The following PLCB2 variants were observed in gnomAD, a reference collection of about 807,000 sequenced individuals.
The protein encoded by PLCB2 is 1-phosphatidylinositol 4,5-bisphosphate phosphodiesterase beta-2.
In PLCB2, 115 loss-of-function variants were observed where a neutral mutation model predicts 141.7. That is an observed-to-expected ratio of 0.81 (90% CI 0.70 to 0.95). PLCB2 has a LOEUF of 0.95. Among genes scored for constraint, PLCB2 ranks in the 40% least tolerant of loss-of-function variants. The pLI, the probability that PLCB2 is intolerant of heterozygous loss-of-function variation, is 0.00. For synonymous variants in PLCB2, 603 were observed against 595.6 expected (o/e 1.01, Z -0.18); for missense variants, 1,403 against 1,541.1 (o/e 0.91, Z 1.50).
rs2039951976 is a variant in PLCB2, at chr15:40,291,854, G to A, written c.2597C>T (p.Ser866Leu). The change falls in exon 24 of 32, where the codon TCA becomes TTA. Residue 866 changes from serine (S) to leucine (L), a missense_variant. Around this residue, in one of 4 missense-constraint regions of PLCB2, gnomAD observed 975 missense variants for 1,141.1 expected, o/e 0.85. Coordinates refer to ENST00000260402, the MANE Select transcript of PLCB2 (RefSeq NM_004573.3). ...NGALAPTSNG[S>L]PAARAGAREE... ...GTGCGGACCGAAGCTCATACCTGGT[G>A]ACCCATTGCTCGTTGGGGCCAACGC... 49 of 1,614,030 alleles carry A rather than the reference G, an allele frequency of 3.0e-5. No individual in the cohort carries two copies. The highest frequency in any genetic ancestry group is 4.1e-5 in the Non-Finnish European group (48 of 1,179,998).
downstream of PLCB2, chr15:40,286,008 G>A: frequency 2.0e-6 from 2 of 985,648 alleles, no homozygotes; most frequent in Non-Finnish European, 2.4e-6. Context: ...TGGCAGGAAG[G>A]GGGTGGTGGT....
At chr15:40,292,238 G>C (rs2039978820) in intron 22 of PLCB2, 80 bp from the exon 23 acceptor site, 1 of 1,500,360 alleles carries the variant, frequency 6.7e-7, no homozygotes, top group Non-Finnish European at 9.3e-7. Context: ...ACCCACTCCA[G>C]GATGCCCCAT....
Position 40,297,609 on chromosome 15 carries a change from C to A in PLCB2, c.1239-4G>T, listed in dbSNP as rs762403257. ...CATCTTAGCCTGCTGGCGGGGTCTG[C>A]GGGGAGCAAAAGCGGGGATGGGGTT... On this transcript the variant is annotated splice_polypyrimidine_tract_variant and splice_region_variant and intron_variant, in intron 12 of 31. Coordinates refer to ENST00000260402, the MANE Select transcript of PLCB2 (RefSeq NM_004573.3). This position sits in a 1 kb window ranked among gnomAD's most constrained non-coding sequence, Gnocchi z 4.2. 3 of 1,612,804 alleles carry A rather than the reference C, an allele frequency of 1.9e-6. No homozygotes were observed. The highest frequency in any genetic ancestry group is 2.5e-6 in the Non-Finnish European group (3 of 1,179,024).
At position 40,292,405 on chromosome 15, in the gene PLCB2, G is replaced by A. The variant is rs769801631; in HGVS notation, c.2365C>T (p.Pro789Ser). 1.2e-6 allele frequency: 2 copies of A among 1,613,674 alleles called. No homozygotes were observed. Among genetic ancestry groups the A allele is most frequent in the Non-Finnish European group, 1.7e-6 (2 of 1,179,814 alleles). ...ATGAAGAGCGCAGGCATGGTGAGGG[G>A]CATGTTGCTCTCACTGTGCAGGCAC... ...HLCLHSESNM[P>S]LTMPALFIFL... The change falls in exon 22 of 32, where the codon CCC (proline) becomes TCC (serine). Residue 789 changes from proline (P) to serine (S), a missense_variant. Physicochemically the swap from Pro to Ser is moderately conservative, Grantham distance 74. This residue lies in a region of PLCB2 where 975 missense variants were observed against 1,141.1 expected (regional missense o/e 0.85). Coordinates refer to ENST00000260402, the MANE Select transcript of PLCB2 (RefSeq NM_004573.3).
Position 40,307,764 on chromosome 15 carries a change from G to T in PLCB2, c.-92C>A. 1.9e-6 allele frequency: 2 copies of T among 1,056,074 alleles called. No homozygotes were observed. The highest frequency in any genetic ancestry group is 2.7e-6 in the Non-Finnish European group (2 of 733,420). 65.4% of individuals were successfully genotyped at this position (1,056,074 alleles called of 1,614,324 possible). A position where few individuals can be genotyped will look rare whatever the true frequency, so the allele number is the denominator to read the frequency against. ...CAGCCAGGAGGGGGAGCCAAGCTGG[G>T]CTCAAATGGCACCCATCCCCGAGCT... On this transcript the variant is annotated 5_prime_UTR_variant, in exon 1 of 32. Coordinates refer to ENST00000260402, the MANE Select transcript of PLCB2 (RefSeq NM_004573.3).
Position 40,302,641 on chromosome 15 carries a change from G to A in PLCB2, c.232-32C>T, listed in dbSNP as rs12324892. 9.2e-3 allele frequency: 14,876 copies of A among 1,611,626 alleles called. 988 individuals are homozygous for A. The African/African-American group carries it at 0.16, about 17-fold the overall frequency. ...CACGTGGTGGTATGGTTAGGATGGA[G>A]GTGTGCTCCCTCCCTGCCCAGTGTG... On this transcript the variant is annotated intron_variant, in intron 3 of 31. Coordinates refer to ENST00000260402, the MANE Select transcript of PLCB2 (RefSeq NM_004573.3).
intron 9 of PLCB2, 31 bp downstream of exon 9, chr15:40,298,767 A>G (rs954548778): frequency 6.2e-7 from 1 of 1,611,272 alleles, no homozygotes; most frequent in African/African-American, 1.3e-5. Context: ...GGACAGGACC[A>G]CAGGGGACAA....
At chr15:40,292,277 G>A in intron 22 of PLCB2, 62 bp downstream of exon 22, 1 of 1,515,144 alleles carries the variant, frequency 6.6e-7, no homozygotes, top group Non-Finnish European at 9.1e-7. Context: ...CTGGAAGCTG[G>A]CTTGATGGGA....
intron 18 of PLCB2, 51 bp from the exon 19 acceptor site, chr15:40,294,471 C>G (rs774562046): frequency 6.3e-7 from 1 of 1,597,288 alleles, no homozygotes; most frequent in African/African-American, 1.3e-5. Flanking sequence ...GGGGCTGTGC[C>G]CAGTCTCCAT....
rs1362263420 is a variant in PLCB2 at position 40,290,966 on chromosome 15, G to T, written c.3036+52C>A. On this transcript the variant is annotated intron_variant, in intron 27 of 31. Transcript: ENST00000260402. Reference sequence around the variant, plus strand: ...TGAGAGGGGCGAATGGGGTCCATGGGGGGTGGGGTCGGTGGGGCTGGTGGG... The same window carrying T: ...TGAGAGGGGCGAATGGGGTCCATGGTGGGTGGGGTCGGTGGGGCTGGTGGG... 14 of 1,537,752 alleles carry T rather than the reference G, an allele frequency of 9.1e-6. No homozygotes were observed. The Admixed American group carries it at 2.2e-4, about 25-fold the overall frequency.
intron 7 of PLCB2, chr15:40,301,632 C>T (rs778281990): frequency 5.4e-5 from 38 of 702,880 alleles, no homozygotes; most frequent in Non-Finnish European, 8.6e-5. Flanking sequence ...ACGCTCAGCT[C>T]CCATTCCCAA....
In PLCB2 at chr15:40,289,363, G is replaced by T; in HGVS notation, c.3268-5C>A. The T allele has an allele frequency of 3.7e-6, 6 of 1,611,114 alleles. No homozygotes were observed. The highest frequency in any genetic ancestry group is 5.1e-6 in the Non-Finnish European group (6 of 1,177,340). Reference sequence around the variant, plus strand: ...CCTCTCCAAGTTCTCCGTCATCTGGGTGGGAGTGGATGGCAGAGAATCAGG... The same window carrying T: ...CCTCTCCAAGTTCTCCGTCATCTGGTTGGGAGTGGATGGCAGAGAATCAGG... On this transcript the variant is annotated splice_polypyrimidine_tract_variant and splice_region_variant and intron_variant, in intron 30 of 31. Coordinates refer to ENST00000260402, the MANE Select transcript of PLCB2 (RefSeq NM_004573.3).
chr15:40,289,929 G>GA (rs2039772374), intron 30 of PLCB2, 96 bp downstream of exon 30: 1 of 7,758 alleles, frequency 1.3e-4, no homozygotes, highest in African/African-American at 3.3e-4. Context: ...TACTTGTGAA[G>GA]AGAGAGAGAG....
Position 40,291,907 on chromosome 15 carries a change from C to A in PLCB2, c.2544G>T (p.Ala848=). Residue 848 remains alanine, a synonymous_variant, in exon 24 of 32, where the codon GCG becomes GCT. Coordinates refer to ENST00000260402, the MANE Select transcript of PLCB2 (RefSeq NM_004573.3). The part of the protein sequence containing the change: ...GGLPEKPFPL[A]SPVASQVNGA... Reference sequence around the variant, plus strand: ...CATTGACCTGGCTGGCAACTGGACTCGCCAGTGGGAAGGGCTTCTGTGTAG... The same window carrying A: ...CATTGACCTGGCTGGCAACTGGACTAGCCAGTGGGAAGGGCTTCTGTGTAG... The A allele has an allele frequency of 6.2e-7, 1 of 1,614,158 alleles. No homozygotes were observed. The highest frequency in any genetic ancestry group is 8.5e-7 in the Non-Finnish European group (1 of 1,180,012).
At chr15:40,292,741 A>G (rs544758982) in intron 21 of PLCB2, among the ~76,000 whole-genome samples, 185 bp downstream of exon 21, 2 of 152,266 alleles carry the variant, frequency 1.3e-5, no homozygotes, top group Non-Finnish European at 2.9e-5. Flanking sequence ...AAATTACAGC[A>G]ATTCTGTTAG....
In PLCB2 at chr15:40,291,170, C is replaced by G; in HGVS notation, c.2884G>C (p.Glu962Gln). Residue 962 changes from glutamate (E) to glutamine (Q), a missense_variant, in exon 27 of 32, where the codon GAG (glutamate) becomes CAG (glutamine). Physicochemically the swap from Glu to Gln is conservative, Grantham distance 29. Around this residue, in one of 4 missense-constraint regions of PLCB2, gnomAD observed 290 missense variants for 245.9 expected, o/e 1.18. Coordinates refer to ENST00000260402, the MANE Select transcript of PLCB2 (RefSeq NM_004573.3). ...CCCGGCGCGGCTCCGGCGCTCTCCT[C>G]GCGGGGCAGGCTCCTGGGGAGGCCA... ...GSRKKRSLPREESAGAAPGEG... is the reference protein window; with the variant it reads ...GSRKKRSLPRQESAGAAPGEG... The G allele has an allele frequency of 6.4e-7, 1 of 1,570,888 alleles. No homozygotes were observed. The highest frequency in any genetic ancestry group is 8.6e-7 in the Non-Finnish European group (1 of 1,166,170).
At chr15:40,284,743 C>T (rs1186999223), downstream of PLCB2, among the ~76,000 whole-genome samples, 1 of 143,762 alleles carries the variant, frequency 7.0e-6, no homozygotes, top group East Asian at 2.2e-4. Context: ...GGGAGGCTGA[C>T]GCAGGAGAAT....
At chr15:40,305,034 T>G (rs975548692) in intron 1 of PLCB2, among the ~76,000 whole-genome samples, 4 of 152,042 alleles carry the variant, frequency 2.6e-5, no homozygotes, top group Non-Finnish European at 5.9e-5. Context: ...AAAGGGAAAA[T>G]TTTTGTGGAG....
At chr15:40,294,239 G>A (rs376627591) in intron 19 of PLCB2, 27 bp downstream of exon 19, 34 of 1,611,280 alleles carry the variant, frequency 2.1e-5, no homozygotes, top group Middle Eastern at 1.6e-4. Context: ...TCAGCCTCCC[G>A]GCCACTTGTG....
Sources: allele counts gnomAD v4.1 joint callset (sites outside exome capture counted in the v4.1 genomes callset), GRCh38; gene constraint gnomAD v4.1.1; regional missense constraint gnomAD v4.1.1; non-coding constraint Gnocchi (gnomAD v3.1); transcripts MANE v1.5; gene names NCBI Gene and HGNC (gene_info 2026-07-23, HGNC 2026-07-21).